Variants in NTRK2 observed in about 807,000 individuals in gnomAD.
The protein encoded by NTRK2 is neurotrophic receptor tyrosine kinase 2.
Under a neutral mutation model 94.5 loss-of-function variants are expected in NTRK2, and 13 were observed. The observed-to-expected ratio is 0.14, with a 90% CI of 0.09 to 0.22. NTRK2 has a LOEUF of 0.22. NTRK2 is among the 10% of genes least tolerant of loss of function. The probability of loss-of-function intolerance (pLI) is 1.00; values close to 1 mark genes in which losing one functional copy is unlikely to be tolerated. For missense variants in NTRK2, 639 were observed against 1,071.2 expected (o/e 0.60, Z 5.63); for synonymous variants, 372 against 407.4 (o/e 0.91, Z 1.05).
intron 2 of NTRK2, among the ~76,000 whole-genome samples, chr9:84,673,943 A>C (rs1267449767): frequency 1.3e-5 from 2 of 152,260 alleles, no homozygotes; most frequent in Non-Finnish European, 2.9e-5. Context: ...ATTTAAACGC[A>C]GTACCAATGT....
chr9:84,886,447 T>G (rs1001387671), intron 14 of NTRK2, among the ~76,000 whole-genome samples: 1 of 152,172 alleles, frequency 6.6e-6, no homozygotes, highest in African/African-American at 2.4e-5. Flanking sequence ...TGCCTAGGCT[T>G]GGGTGTTCAA....
intron 12 of NTRK2, among the ~76,000 whole-genome samples, chr9:84,836,471 T>G (rs955135152): frequency 1.3e-5 from 2 of 151,716 alleles, no homozygotes; most frequent in African/African-American, 4.8e-5. Context: ...TGAGTTGCAG[T>G]AGGGAAAGTG....
intron 12 of NTRK2, among the ~76,000 whole-genome samples, chr9:84,762,662 C>T (rs891073390): frequency 6.6e-6 from 1 of 152,182 alleles, no homozygotes; most frequent in Admixed American, 6.5e-5. Context: ...CTATCTCAGG[C>T]ACAACCTGTG....
At chr9:84,840,255 A>ATT (rs1252895722) in intron 12 of NTRK2, among the ~76,000 whole-genome samples, 4 of 139,948 alleles carry the variant, frequency 2.9e-5, no homozygotes, top group Non-Finnish European at 6.1e-5. Context: ...GACCACAATC[A>ATT]TTGACAATTC....
chr9:84,706,244 G>GT (rs1351130704), intron 4 of NTRK2, among the ~76,000 whole-genome samples: 1 of 152,184 alleles, frequency 6.6e-6, no homozygotes, highest in Non-Finnish European at 1.5e-5. Flanking sequence ...CCCTGTGTAG[G>GT]TAGGGGTTTG....
At chr9:84,699,460 C>T (rs2060587153) in intron 2 of NTRK2, among the ~76,000 whole-genome samples, 1 of 152,158 alleles carries the variant, frequency 6.6e-6, no homozygotes, top group Non-Finnish European at 1.5e-5. Flanking sequence ...GACCATTTTT[C>T]ATAACTTCTT....
At chr9:84,776,228 A>AT in intron 12 of NTRK2, among the ~76,000 whole-genome samples, 1 of 151,854 alleles carries the variant, frequency 6.6e-6, no homozygotes, top group Non-Finnish European at 1.5e-5. Flanking sequence ...TTATTTATTT[A>AT]TTTTTTCTTT....
At chr9:84,819,498 G>T (rs1182211705) in intron 12 of NTRK2, among the ~76,000 whole-genome samples, 1 of 152,162 alleles carries the variant, frequency 6.6e-6, no homozygotes. Flanking sequence ...CAGGCTCCTG[G>T]GTCTTGGGGA....
At position 84,990,014 on chromosome 9, in the gene NTRK2, G is replaced by T. The variant is rs142542122; in HGVS notation, c.2173-30192G>T. On this transcript the variant is annotated intron_variant, in intron 17 of 18. Transcript: ENST00000277120. Reference sequence around the variant, plus strand: ...ACATTGGTGGCATCTTTTGCTGGGGGTTTTTTGCCTTTCACTCCTTGCTCA... The same window carrying T: ...ACATTGGTGGCATCTTTTGCTGGGGTTTTTTTGCCTTTCACTCCTTGCTCA... Among the ~76,000 whole-genome samples, 906 of 151,950 alleles carry T rather than the reference G, an allele frequency of 6.0e-3. 27 individuals are homozygous for T. Among genetic ancestry groups the T allele is most frequent in the Admixed American group, 0.04 (606 of 15,290 alleles).
intron 9 of NTRK2, among the ~76,000 whole-genome samples, chr9:84,741,593 C>G (rs1438949751): frequency 1.3e-5 from 2 of 152,072 alleles, no homozygotes; most frequent in Non-Finnish European, 2.9e-5. Flanking sequence ...GAAACAGTAC[C>G]AAAAGAAGAA....
intron 12 of NTRK2, among the ~76,000 whole-genome samples, chr9:84,850,726 C>T (rs1180890418): frequency 6.6e-6 from 1 of 152,166 alleles, no homozygotes; most frequent in Non-Finnish European, 1.5e-5. Flanking sequence ...AGTGCAAACT[C>T]TGTTTCTGTT....
chr9:84,710,816 T>C (rs766592215), intron 6 of NTRK2, 25 bp downstream of exon 6: 4 of 1,612,440 alleles, frequency 2.5e-6, no homozygotes, highest in Non-Finnish European at 3.4e-6. Flanking sequence ...AATCAATGTG[T>C]TCTAGTTGCT....
rs377638406 is a variant in NTRK2, at chr9:84,763,052, G to A, written c.1396+10967G>A. Among the ~76,000 whole-genome samples the A allele has an allele frequency of 1.4e-4, 21 of 152,212 alleles. No individual in the cohort carries two copies. In the East Asian group the frequency reaches 2.7e-3, roughly 20 times the overall value. On this transcript the variant is annotated intron_variant, in intron 12 of 18. Coordinates refer to ENST00000277120, the MANE Select transcript of NTRK2 (RefSeq NM_006180.6). ...TTCTGCCACCTTCATATGTGTCTCC[G>A]CAAGGGTGTCTTTGCAGCTTTGGGG... is the stretch of plus-strand genomic sequence containing the variant.
intron 17 of NTRK2, among the ~76,000 whole-genome samples, chr9:84,991,724 G>A (rs1226415362): frequency 6.6e-6 from 1 of 152,184 alleles, no homozygotes; most frequent in African/African-American, 2.4e-5. Context: ...GTAGGAGGGA[G>A]GGGAAGAAAA....
intron 17 of NTRK2, 136 bp from the exon 18 acceptor site, chr9:85,020,070 T>C: frequency 2.2e-6 from 2 of 907,050 alleles, no homozygotes; most frequent in Non-Finnish European, 1.8e-6. Flanking sequence ...GAAGAAGTCA[T>C]ATATCCTTTA....
At chr9:84,966,820 A>G (rs1825612816) in intron 17 of NTRK2, among the ~76,000 whole-genome samples, 2 of 152,224 alleles carry the variant, frequency 1.3e-5, no homozygotes, top group Non-Finnish European at 2.9e-5. Flanking sequence ...TGAGATTCAA[A>G]TGGTAACTTT....
At chr9:84,977,205 A>C (rs1369645737) in intron 17 of NTRK2, among the ~76,000 whole-genome samples, 2 of 152,136 alleles carry the variant, frequency 1.3e-5, no homozygotes, top group Admixed American at 6.5e-5. Flanking sequence ...TTGTTGATTC[A>C]TTTACATTGA....
At chr9:84,923,048 T>G (rs2077619284) in intron 14 of NTRK2, among the ~76,000 whole-genome samples, 1 of 152,188 alleles carries the variant, frequency 6.6e-6, no homozygotes, top group Admixed American at 6.5e-5. Context: ...CCTGTGACCC[T>G]CCACCTTTCA....
chr9:84,708,204 A>C (rs2061225863), intron 5 of NTRK2, among the ~76,000 whole-genome samples: 1 of 152,226 alleles, frequency 6.6e-6, no homozygotes, highest in Admixed American at 6.5e-5. Flanking sequence ...AAAGAGAAAA[A>C]GAAGGGGGCT....
Sources: gnomAD v4.1 joint callset for allele counts (sites outside exome capture counted in the v4.1 genomes callset) on GRCh38, gnomAD v4.1.1 for gene constraint, MANE v1.5 for transcripts, NCBI Gene and HGNC (gene_info 2026-07-23, HGNC 2026-07-21) for gene names.